EML4: variants seen among roughly 807,000 people sequenced by gnomAD.
EML4 encodes the protein EMAP like 4, also known as echinoderm microtubule-associated protein-like 4.
EML4 carries 72 observed loss-of-function variants against 129.0 expected under a neutral mutation model. The ratio of observed to expected loss-of-function variants is 0.56; its 90% CI spans 0.46 to 0.68. The LOEUF is 0.68. Among genes scored for constraint, EML4 ranks in the 30% least tolerant of loss-of-function variants. The probability of loss-of-function intolerance (pLI) is 0.00; values close to 1 mark genes in which losing one functional copy is unlikely to be tolerated. For synonymous variants in EML4, 532 were observed against 405.0 expected (o/e 1.31, Z -3.77); for missense variants, 1,363 against 1,190.6 (o/e 1.14, Z -2.13).
intron 1 of EML4, among the ~76,000 whole-genome samples, chr2:42,175,574 C>G (rs1237183662): frequency 2.0e-5 from 3 of 152,026 alleles, no homozygotes; most frequent in Non-Finnish European, 4.4e-5. Flanking sequence ...TCTTGGCTCA[C>G]TGCAACTTCT....
At position 42,212,529 on chromosome 2, in the gene EML4, A is replaced by G. The variant is rs533545014; in HGVS notation, c.26-32976A>G. On this transcript the variant is annotated intron_variant, in intron 1 of 22. Coordinates refer to ENST00000318522, the MANE Select transcript of EML4 (RefSeq NM_019063.5). ...TTGCATGAAATAGAATATTTTGTTA[A>G]TGTTTGAGACCATTTAAAAAACCTT... Among the ~76,000 whole-genome samples the G allele has an allele frequency of 2.6e-5, 4 of 152,136 alleles. No individual in the cohort carries two copies. In the East Asian group the frequency reaches 7.7e-4, roughly 29 times the overall value.
chr2:42,268,119 C>G (rs1193079793), intron 6 of EML4, among the ~76,000 whole-genome samples: 1 of 152,194 alleles, frequency 6.6e-6, no homozygotes, highest in East Asian at 1.9e-4. Context: ...TCAAGTACAA[C>G]TGGCCTTCCA....
At chr2:42,272,261 C>T (rs1572666509) in intron 6 of EML4, among the ~76,000 whole-genome samples, 1 of 152,220 alleles carries the variant, frequency 6.6e-6, no homozygotes, top group South Asian at 2.1e-4. Flanking sequence ...AAGGAAAAAG[C>T]ATAGTAAATC....
rs1021923050 is a variant in EML4 at position 42,264,654 on chromosome 2, G to T, written c.642-52G>T. The T allele has an allele frequency of 1.1e-5, 11 of 1,020,810 alleles. No individual in the cohort carries two copies. In the East Asian group the frequency reaches 2.2e-4, roughly 21 times the overall value. 63.2% of individuals were successfully genotyped at this position (1,020,810 alleles called of 1,614,324 possible). On this transcript the variant is annotated intron_variant, in intron 5 of 22. Transcript: ENST00000318522. ...ACAGTTTCTTGAGGTGATTTTAATG[G>T]TTAGCCATATAAACTTATAAAATAA...
At chr2:42,312,015 A>G (rs184834759) in intron 17 of EML4, among the ~76,000 whole-genome samples, 9 of 152,218 alleles carry the variant, frequency 5.9e-5, no homozygotes, top group Admixed American at 1.3e-4. Context: ...CGGCCTTCCT[A>G]TGCACTTTTT....
intron 17 of EML4, among the ~76,000 whole-genome samples, chr2:42,309,768 A>G (rs1668829966): frequency 6.6e-6 from 1 of 152,048 alleles, no homozygotes; most frequent in South Asian, 2.1e-4. Context: ...AGTTTTTTAT[A>G]TATTCTGGAT....
rs1669421004 is a variant in EML4 at position 42,319,675 on chromosome 2, G to C, written c.2154+2151G>C. On this transcript the variant is annotated intron_variant, in intron 19 of 22. Transcript: ENST00000318522. ...CTTACTAGTTTGTGACTTTAGGCAA[G>C]TTAACTTCTCAGAGTTTTAATTTTA... is the stretch of plus-strand genomic sequence containing the variant. The C allele has an allele frequency of 2.0e-5, 3 of 152,166 alleles. No homozygotes were observed. The South Asian group carries it at 6.2e-4, about 31-fold the overall frequency. 9.4% of individuals were successfully genotyped at this position (152,166 alleles called of 1,614,324 possible).
At chr2:42,181,545 C>T (rs1490291169) in intron 1 of EML4, among the ~76,000 whole-genome samples, 2 of 152,170 alleles carry the variant, frequency 1.3e-5, no homozygotes, top group African/African-American at 4.8e-5. Context: ...AATGACCTAC[C>T]TCAGCCTCCC....
chr2:42,329,679 C>G, intron 22 of EML4, 55 bp from the exon 23 acceptor site: 1 of 1,449,524 alleles, frequency 6.9e-7, no homozygotes, highest in Non-Finnish European at 9.6e-7. Flanking sequence ...ATTTCTGAAA[C>G]AGGCATGTCA....
At chr2:42,185,082 A>G (rs1671172262) in intron 1 of EML4, among the ~76,000 whole-genome samples, 1 of 152,210 alleles carries the variant, frequency 6.6e-6, no homozygotes, top group Non-Finnish European at 1.5e-5. Context: ...TCCCGGAATA[A>G]TATAATACCT....
intron 1 of EML4, among the ~76,000 whole-genome samples, chr2:42,172,646 T>C (rs1006643718): frequency 1.4e-4 from 22 of 152,252 alleles, no homozygotes; most frequent in African/African-American, 5.3e-4. Context: ...GGCAGCACTT[T>C]AGAAACCTTT....
chr2:42,270,323 C>G (rs1312446219), intron 6 of EML4, among the ~76,000 whole-genome samples: 1 of 152,088 alleles, frequency 6.6e-6, no homozygotes, highest in East Asian at 1.9e-4. Flanking sequence ...TTTTGGGAAG[C>G]CAAGGTGGGT....
At chr2:42,321,263 G>A (rs976666157) in intron 19 of EML4, among the ~76,000 whole-genome samples, 5 of 151,934 alleles carry the variant, frequency 3.3e-5, no homozygotes, top group African/African-American at 7.3e-5. Flanking sequence ...GGTGCCTGTA[G>A]TCCCAGCTAC....
chr2:42,179,909 T>A lies in EML4; in HGVS notation c.25+10273T>A, dbSNP rs553991629. ...AGCCACCACACCCGGCCATATGTGT[T>A]TTATATATACACACAGATACGTGTA... On this transcript the variant is annotated intron_variant, in intron 1 of 22. Coordinates refer to ENST00000318522, the MANE Select transcript of EML4 (RefSeq NM_019063.5). 2.0e-5 allele frequency among the ~76,000 whole-genome samples: 3 copies of A among 152,250 alleles called. No homozygotes were observed. The South Asian group carries it at 6.2e-4, about 32-fold the overall frequency.
chr2:42,183,110 G>T (rs530156687), intron 1 of EML4, among the ~76,000 whole-genome samples: 107 of 152,236 alleles, frequency 7.0e-4, no homozygotes, highest in African/African-American at 2.3e-3. Context: ...AGCTGAGATC[G>T]CACCACTGAG....
chr2:42,273,774 A>G (rs1272642197), intron 6 of EML4, among the ~76,000 whole-genome samples: 1 of 152,168 alleles, frequency 6.6e-6, no homozygotes, highest in Non-Finnish European at 1.5e-5. Flanking sequence ...GAAATAAGAA[A>G]GTTAGATTAT....
chr2:42,317,575 C>T (rs368026428), intron 19 of EML4, 51 bp downstream of exon 19: 411 of 1,303,244 alleles, frequency 3.2e-4, no homozygotes, highest in Admixed American at 1.1e-3. Context: ...ATTTTACTTC[C>T]GTTAAAAACA....
At position 42,320,974 on chromosome 2, in the gene EML4, A is replaced by G. The variant is rs574664150; in HGVS notation, c.2154+3450A>G. ...GGAAATACACATCAAAAAGAGGGGG[A>G]AAAAAAGAGTAAACACTTTATCTAC... On this transcript the variant is annotated intron_variant, in intron 19 of 22. Coordinates refer to ENST00000318522, the MANE Select transcript of EML4 (RefSeq NM_019063.5). 1.4e-4 allele frequency among the ~76,000 whole-genome samples: 22 copies of G among 152,202 alleles called. No homozygotes were observed. In the South Asian group the frequency reaches 3.7e-3, roughly 26 times the overall value.
intron 1 of EML4, among the ~76,000 whole-genome samples, chr2:42,227,196 A>T (rs1674023133): frequency 1.3e-5 from 2 of 151,554 alleles, no homozygotes; most frequent in African/African-American, 4.9e-5. Context: ...TGCAGCCTTG[A>T]CCTCCCAGAT....
Sources: allele counts gnomAD v4.1 joint callset (sites outside exome capture counted in the v4.1 genomes callset), GRCh38; gene constraint gnomAD v4.1.1; transcripts MANE v1.5; gene names NCBI Gene and HGNC (gene_info 2026-07-23, HGNC 2026-07-21).